PROB1: variants seen among roughly 807,000 people sequenced by gnomAD.
PROB1 encodes proline rich basic protein 1, also known as proline-rich basic protein 1.
For missense variants in PROB1, 1,453 were observed against 1,485.7 expected (o/e 0.98, Z 0.36); for synonymous variants, 660 against 699.3 (o/e 0.94, Z 0.89).
In PROB1 at chr5:139,393,337, G is replaced by A. The variant is rs1190779662; in HGVS notation, c.1745C>T (p.Pro582Leu). The A allele has an allele frequency of 1.3e-6, 2 of 1,551,244 alleles. No homozygotes were observed. The highest frequency in any genetic ancestry group is 2.4e-5 in the East Asian group (1 of 40,922). ...DLAFGGSQQSPEVAAPEPPGS... is the reference protein window; with the variant it reads ...DLAFGGSQQSLEVAAPEPPGS... ...GGGCGGCTCGGGTGCTGCTACCTCT[G>A]GGGACTGCTGACTCCCTCCAAAGGC... Residue 582 changes from proline to leucine, a missense_variant, in exon 1 of 1, where the codon CCA becomes CTA. Coordinates refer to ENST00000434752, the MANE Select transcript of PROB1 (RefSeq NM_001161546.2).
Position 139,393,720 on chromosome 5 carries a change from G to A in PROB1, c.1362C>T (p.Ser454=). The change falls in exon 1 of 1, where the codon TCC becomes TCT. Residue 454 remains serine, a synonymous_variant. Coordinates refer to ENST00000434752, the MANE Select transcript of PROB1 (RefSeq NM_001161546.2). ...GATTCCACTGGGAAAGGATCGGAGG[G>A]GAAGGGCTTCTCCTGCTGACAGTTT... ...VEETVSRRSP[S]PPILSQWNQC... 2.6e-6 allele frequency: 4 copies of A among 1,551,254 alleles called. No individual in the cohort carries two copies. The highest frequency in any genetic ancestry group is 3.5e-6 in the Non-Finnish European group (4 of 1,146,970).
At position 139,395,091 on chromosome 5, in the gene PROB1, G is replaced by C. The variant is rs889615051; in HGVS notation, c.-10C>G. 7.2e-7 allele frequency: 1 copy of C among 1,395,660 alleles called. No homozygotes were observed. Among genetic ancestry groups the C allele is most frequent in the African/African-American group, 1.5e-5 (1 of 65,076 alleles). 86.5% of individuals were successfully genotyped at this position (1,395,660 alleles called of 1,614,324 possible). A position where few individuals can be genotyped will look rare whatever the true frequency, so the allele number is the denominator to read the frequency against. On this transcript the variant is annotated 5_prime_UTR_variant, in exon 1 of 1. Transcript: ENST00000434752. ...CGAGCGCGGTCAGCATGGTGGGGCC[G>C]GACGCCGTGCACTATCTCCCTCGCA...
rs953036845 is a variant in PROB1 at position 139,393,101 on chromosome 5, C to T, written c.1981G>A (p.Gly661Ser). ...GGCGGCTCTTGCGTCTTGGATTCGC[C>T]GCCCTCCTCCCCGCAGGGGTCGGCA... The part of the protein sequence containing the change: ...PPADPCGEEG[G>S]ESKTQEPPAL... The change falls in exon 1 of 1, where the codon GGC becomes AGC. Residue 661 changes from glycine to serine, a missense_variant. Physicochemically the swap from Gly to Ser is moderately conservative, Grantham distance 56 (BLOSUM62 0). Coordinates refer to ENST00000434752, the MANE Select transcript of PROB1 (RefSeq NM_001161546.2). 7.9e-6 allele frequency: 12 copies of T among 1,522,538 alleles called. 1 individual carries two copies. The highest frequency in any genetic ancestry group is 1.1e-5 in the Non-Finnish European group (12 of 1,132,320). 94.3% of individuals were successfully genotyped at this position (1,522,538 alleles called of 1,614,324 possible). A position where few individuals can be genotyped will look rare whatever the true frequency, so the allele number is the denominator to read the frequency against.
rs1331897638 is a variant in PROB1, at chr5:139,394,675, G to A, written c.407C>T (p.Thr136Met). 1 of 1,534,370 alleles carries A rather than the reference G, an allele frequency of 6.5e-7. No individual in the cohort carries two copies. The highest frequency in any genetic ancestry group is 1.4e-5 in the African/African-American group (1 of 72,162). ...CAAGGGGCTGATGAAGGCCGGCTCC[G>A]TGAACTGTTGTTGCGCCTCGCGATC... is the stretch of plus-strand genomic sequence containing the variant. ...ADDREAQQQF[T>M]EPAFISPLPP... The change falls in exon 1 of 1, where the codon ACG (threonine) becomes ATG (methionine). Residue 136 changes from threonine to methionine, a missense_variant. Transcript: ENST00000434752.
Position 139,391,834 on chromosome 5 carries a change from G to T in PROB1, c.*200C>A. 2.3e-6 allele frequency: 1 copy of T among 431,306 alleles called. No homozygotes were observed. 26.7% of individuals were successfully genotyped at this position (431,306 alleles called of 1,614,324 possible). A position where few individuals can be genotyped will look rare whatever the true frequency, so the allele number is the denominator to read the frequency against. ...ATACATAATTTTGTTGGGGGAGGAAGTAGGCAGCCACTTCCTGGGTGACTC... is the reference window on the plus strand; with the variant it reads ...ATACATAATTTTGTTGGGGGAGGAATTAGGCAGCCACTTCCTGGGTGACTC... On this transcript the variant is annotated 3_prime_UTR_variant, in exon 1 of 1. Transcript: ENST00000434752. The surrounding 1 kb of genome is among the most constrained non-coding windows in gnomAD (Gnocchi z 4.8).
Position 139,392,385 on chromosome 5 carries a change from C to A in PROB1, c.2697G>T (p.Gln899His). 3 of 1,520,742 alleles carry A rather than the reference C, an allele frequency of 2.0e-6. No homozygotes were observed. Among genetic ancestry groups the A allele is most frequent in the Non-Finnish European group, 2.6e-6 (3 of 1,136,006 alleles). The allele number at this position is 1,520,742 out of a possible 1,614,324, so 94.2% of individuals were successfully genotyped here. A position where few individuals can be genotyped will look rare whatever the true frequency, so the allele number is the denominator to read the frequency against. The change falls in exon 1 of 1, where the codon CAG becomes CAT. Residue 899 changes from glutamine to histidine, a missense_variant. Transcript: ENST00000434752. The surrounding 1 kb of genome is among the most constrained non-coding windows in gnomAD (Gnocchi z 5.8). ...GRYYFVEAPR[Q>H]PRLRVLFDPE... ...GGTCGAAGAGCACCCGCAGCCGAGGCTGCCGCGGCGCCTCCACAAAGTAGT... is the reference window on the plus strand; with the variant it reads ...GGTCGAAGAGCACCCGCAGCCGAGGATGCCGCGGCGCCTCCACAAAGTAGT...
chr5:139,392,154 G>C lies in PROB1; in HGVS notation c.2928C>G (p.Asp976Glu). Residue 976 changes from aspartate (D) to glutamate (E), a missense_variant, in exon 1 of 1, where the codon GAC becomes GAG. Asp to Glu is a conservative substitution (Grantham distance 45). Coordinates refer to ENST00000434752, the MANE Select transcript of PROB1 (RefSeq NM_001161546.2). This position sits in a 1 kb window ranked among gnomAD's most constrained non-coding sequence, Gnocchi z 5.8. Reference sequence around the variant, plus strand: ...CGCTCACCGGCAGGTAGTAGGTCCCGTCCAGGGGCCCTGCCTCAGAGACCC... The same window carrying C: ...CGCTCACCGGCAGGTAGTAGGTCCCCTCCAGGGGCCCTGCCTCAGAGACCC... Reference protein sequence around the residue: ...LPWVSEAGPLDGTYYLPVSGT... With the variant: ...LPWVSEAGPLEGTYYLPVSGT... The C allele has an allele frequency of 1.4e-6, 2 of 1,414,292 alleles. No individual in the cohort carries two copies. The highest frequency in any genetic ancestry group is 1.9e-6 in the Non-Finnish European group (2 of 1,080,260). The allele number at this position is 1,414,292 out of a possible 1,614,324, so 87.6% of individuals were successfully genotyped here.
Position 139,394,212 on chromosome 5 carries a change from C to G in PROB1, c.870G>C (p.Val290=), listed in dbSNP as rs1229813931. Residue 290 remains valine, a synonymous_variant, in exon 1 of 1, where the codon GTG becomes GTC. Coordinates refer to ENST00000434752, the MANE Select transcript of PROB1 (RefSeq NM_001161546.2). ...GCCGAGACTTAGCCTTCTCCAGGAC[C>G]ACGTGGGTGCTGCGGGCCGTTTCCC... ...ETRETARSTH[V]VLEKAKSRPL... is the part of the protein sequence containing the mutation. 2 of 1,548,706 alleles carry G rather than the reference C, an allele frequency of 1.3e-6. No individual in the cohort carries two copies. Among genetic ancestry groups the G allele is most frequent in the Non-Finnish European group, 1.7e-6 (2 of 1,145,402 alleles).
At position 139,395,091 on chromosome 5, in the gene PROB1, G is replaced by A. The variant is rs889615051; in HGVS notation, c.-10C>T. On this transcript the variant is annotated 5_prime_UTR_variant, in exon 1 of 1. Transcript: ENST00000434752. ...CGAGCGCGGTCAGCATGGTGGGGCC[G>A]GACGCCGTGCACTATCTCCCTCGCA... 38 of 1,395,660 alleles carry A rather than the reference G, an allele frequency of 2.7e-5. No individual in the cohort carries two copies. In the African/African-American group the frequency reaches 5.7e-4, roughly 21 times the overall value. The allele number at this position is 1,395,660 out of a possible 1,614,324, so 86.5% of individuals were successfully genotyped here.
Position 139,394,642 on chromosome 5 carries a change from C to T in PROB1, c.440G>A (p.Gly147Glu). 2 of 1,534,730 alleles carry T rather than the reference C, an allele frequency of 1.3e-6. No homozygotes were observed. The highest frequency in any genetic ancestry group is 1.7e-6 in the Non-Finnish European group (2 of 1,145,546). The change falls in exon 1 of 1, where the codon GGG becomes GAG. Residue 147 changes from glycine to glutamate, a missense_variant. Gly to Glu is a moderately conservative substitution (Grantham distance 98). Coordinates refer to ENST00000434752, the MANE Select transcript of PROB1 (RefSeq NM_001161546.2). ...EPAFISPLPP[G>E]PASPAAVPRQ... The stretch of plus-strand genomic sequence containing the variant: ...TGGGACCGCGGCGGGAGACGCTGGC[C>T]CCGGCGGCAAGGGGCTGATGAAGGC...
rs1167514790 is a variant in PROB1 at position 139,393,380 on chromosome 5, G to A, written c.1702C>T (p.Arg568Trp). Reference protein sequence around the residue: ...EPTEMQSPSTREISDLAFGGS... With the variant: ...EPTEMQSPSTWEISDLAFGGS... ...CCAAAGGCAAGATCTGAAATTTCCC[G>A]CGTGGATGGACTCTGCATCTCTGTT... is the stretch of plus-strand genomic sequence containing the variant. Residue 568 changes from arginine to tryptophan, a missense_variant, in exon 1 of 1, where the codon CGG becomes TGG. Transcript: ENST00000434752. The A allele has an allele frequency of 6.4e-7, 1 of 1,551,608 alleles. No individual in the cohort carries two copies. Among genetic ancestry groups the A allele is most frequent in the East Asian group, 2.4e-5 (1 of 40,920 alleles).
At position 139,393,016 on chromosome 5, in the gene PROB1, G is replaced by A. The variant is rs946487506; in HGVS notation, c.2066C>T (p.Pro689Leu). 2 of 1,522,678 alleles carry A rather than the reference G, an allele frequency of 1.3e-6. No individual in the cohort carries two copies. The highest frequency in any genetic ancestry group is 1.2e-5 in the South Asian group (1 of 80,670). The allele number at this position is 1,522,678 out of a possible 1,614,324, so 94.3% of individuals were successfully genotyped here. The change falls in exon 1 of 1, where the codon CCG (proline) becomes CTG (leucine). Residue 689 changes from proline (P) to leucine (L), a missense_variant. Transcript: ENST00000434752. ...YTSVFIKDFL[P>L]VVPHPYEPPE... ...AGGCTCGTAGGGGTGCGGCACCACCGGTAGAAAATCCTTGATGAAAACGGA... is the reference window on the plus strand; with the variant it reads ...AGGCTCGTAGGGGTGCGGCACCACCAGTAGAAAATCCTTGATGAAAACGGA...
rs1758592517 is a variant in PROB1, at chr5:139,390,794, CCT to C, written c.*1238_*1239del. The C allele has an allele frequency of 6.6e-6, 1 of 152,212 alleles. No homozygotes were observed. Among genetic ancestry groups the C allele is most frequent in the Non-Finnish European group, 1.5e-5 (1 of 68,038 alleles). The allele number at this position is 152,212 out of a possible 1,614,324, so 9.4% of individuals were successfully genotyped here. On this transcript the variant is annotated 3_prime_UTR_variant, in exon 1 of 1. Transcript: ENST00000434752. ...CAGGGACTGCTAGGGACCTGGGCCC[CCT>C]GACAGGCCTGGAACAACGAAGGCAT...
In PROB1 at chr5:139,392,479, T is replaced by C. The variant is rs960485525; in HGVS notation, c.2603A>G (p.Gln868Arg). Residue 868 changes from glutamine (Q) to arginine (R), a missense_variant, in exon 1 of 1, where the codon CAG becomes CGG. By Grantham distance (43) the Gln-to-Arg change is conservative. Coordinates refer to ENST00000434752, the MANE Select transcript of PROB1 (RefSeq NM_001161546.2). The surrounding 1 kb of genome is among the most constrained non-coding windows in gnomAD (Gnocchi z 5.8). Reference sequence around the variant, plus strand: ...GGCCCCGGGCTGCCTGCGCGCTCCCTGGGAGGGGCTTTGCGGGGACCGGTC... The same window carrying C: ...GGCCCCGGGCTGCCTGCGCGCTCCCCGGGAGGGGCTTTGCGGGGACCGGTC... ...PTDRSPQSPS[Q>R]GARRQPGAAP... 3.7e-6 allele frequency: 5 copies of C among 1,367,854 alleles called. No homozygotes were observed. The highest frequency in any genetic ancestry group is 1.6e-5 in the South Asian group (1 of 60,822). The allele number at this position is 1,367,854 out of a possible 1,614,324, so 84.7% of individuals were successfully genotyped here.
rs974572360 is a variant in PROB1, at chr5:139,391,796, G to A, written c.*238C>T. The A allele has an allele frequency of 2.5e-6, 1 of 403,386 alleles. No homozygotes were observed. Among genetic ancestry groups the A allele is most frequent in the Non-Finnish European group, 4.4e-6 (1 of 229,226 alleles). The allele number at this position is 403,386 out of a possible 1,614,324, so 25.0% of individuals were successfully genotyped here. On this transcript the variant is annotated 3_prime_UTR_variant, in exon 1 of 1. Transcript: ENST00000434752. The surrounding 1 kb of genome is among the most constrained non-coding windows in gnomAD (Gnocchi z 4.8). ...CCACACCACACCACGCCCTGGGAAT[G>A]CCTGGGAAAGGGATACATAATTTTG...
chr5:139,393,752 C>A lies in PROB1; in HGVS notation c.1330G>T (p.Val444Phe). The stretch of plus-strand genomic sequence containing the variant: ...CTTCTCCTGCTGACAGTTTCCTCGA[C>A]GGCAGGATTTTGATTTTCCCACTCG... ...SSEWENQNPA[V>F]EETVSRRSPS... Residue 444 changes from valine (V) to phenylalanine (F), a missense_variant, in exon 1 of 1, where the codon GTC becomes TTC. Transcript: ENST00000434752. The A allele has an allele frequency of 6.4e-7, 1 of 1,551,382 alleles. No homozygotes were observed. The highest frequency in any genetic ancestry group is 1.4e-5 in the African/African-American group (1 of 73,152).
At position 139,393,558 on chromosome 5, in the gene PROB1, A is replaced by G; in HGVS notation, c.1524T>C (p.Asp508=). 6.4e-7 allele frequency: 1 copy of G among 1,551,200 alleles called. No individual in the cohort carries two copies. Residue 508 remains aspartate (D), a synonymous_variant, in exon 1 of 1, where the codon GAT becomes GAC. Transcript: ENST00000434752. ...ATGGGCCCCAAGTTCCAATAGGACG[A>G]TCTGGAGCCTCCCACGGGAAGAAGG... is the stretch of plus-strand genomic sequence containing the variant. ...PPAFFPWEAP[D]RPIGTWGPSP...
Position 139,393,670 on chromosome 5 carries a change from G to A in PROB1, c.1412C>T (p.Pro471Leu), listed in dbSNP as rs1344346221. The change falls in exon 1 of 1, where the codon CCG (proline) becomes CTG (leucine). Residue 471 changes from proline (P) to leucine (L), a missense_variant. Coordinates refer to ENST00000434752, the MANE Select transcript of PROB1 (RefSeq NM_001161546.2). Reference sequence around the variant, plus strand: ...CCACAGGGAAGGGGCTTCGAGGGACGGGCTCCTTTCCCCAGCAACACACTG... The same window carrying A: ...CCACAGGGAAGGGGCTTCGAGGGACAGGCTCCTTTCCCCAGCAACACACTG... ...WNQCVAGERS[P>L]SLEAPSLWEI... The A allele has an allele frequency of 1.3e-6, 2 of 1,550,652 alleles. No homozygotes were observed. The highest frequency in any genetic ancestry group is 2.4e-5 in the East Asian group (1 of 40,880).
At position 139,393,425 on chromosome 5, in the gene PROB1, C is replaced by T; in HGVS notation, c.1657G>A (p.Ala553Thr). 1.3e-6 allele frequency: 2 copies of T among 1,551,656 alleles called. No individual in the cohort carries two copies. The highest frequency in any genetic ancestry group is 2.4e-5 in the East Asian group (1 of 40,914). Residue 553 changes from alanine (A) to threonine (T), a missense_variant, in exon 1 of 1, where the codon GCA becomes ACA. Coordinates refer to ENST00000434752, the MANE Select transcript of PROB1 (RefSeq NM_001161546.2). ...QEELAPPTPSAPGTPEPTEMQ... is the reference protein window; with the variant it reads ...QEELAPPTPSTPGTPEPTEMQ... ...TCTGTTGGTTCTGGAGTGCCGGGTG[C>T]GGACGGTGTAGGCGGTGCCAACTCC...
Sources: allele counts gnomAD v4.1 joint callset, GRCh38; gene constraint gnomAD v4.1.1; non-coding constraint Gnocchi (gnomAD v3.1); transcripts MANE v1.5; gene names NCBI Gene and HGNC (gene_info 2026-07-23, HGNC 2026-07-21).